The following PKP2 variants were observed in gnomAD, a reference collection of about 807,000 sequenced individuals.
PKP2 encodes the protein plakophilin-2.
Under a neutral mutation model 83.4 loss-of-function variants are expected in PKP2, and 73 were observed. That is an observed-to-expected ratio of 0.88 (90% CI 0.72 to 1.06). The LOEUF is 1.06. Ranked by LOEUF, PKP2 falls within the 50% of genes least tolerant of loss-of-function variation. The pLI is 0.00. For missense variants in PKP2, 966 were observed against 1,065.4 expected, an observed-to-expected ratio of 0.91 and a Z score of 1.30; for synonymous variants, 409 against 430.4, an observed-to-expected ratio of 0.95 and a Z score of 0.62.
intron 1 of PKP2, among the ~76,000 whole-genome samples, chr12:32,881,404 C>A (rs992056625): frequency 7.9e-5 from 12 of 151,956 alleles, no homozygotes; most frequent in Admixed American, 7.9e-4. Flanking sequence ...GGAACTTGGA[C>A]CTTAAATAAA....
chr12:32,802,932 T>C (rs1359483955), intron 9 of PKP2, among the ~76,000 whole-genome samples: 1 of 152,026 alleles, frequency 6.6e-6, no homozygotes, highest in African/African-American at 2.4e-5. Flanking sequence ...GTGTTGGGAT[T>C]ACAGGCGTGA....
intron 4 of PKP2, among the ~76,000 whole-genome samples, chr12:32,861,713 A>G (rs1448847070): frequency 6.6e-6 from 1 of 152,228 alleles, no homozygotes; most frequent in Non-Finnish European, 1.5e-5. Flanking sequence ...CAAAAAACTA[A>G]GAGAAACTAC....
chr12:32,818,833 C>T (rs1956344772), intron 9 of PKP2, among the ~76,000 whole-genome samples: 1 of 152,122 alleles, frequency 6.6e-6, no homozygotes, highest in Non-Finnish European at 1.5e-5. Flanking sequence ...ATGTGTATGA[C>T]CTAATTTTCA....
chr12:32,838,619 T>C (rs966713085), intron 6 of PKP2, among the ~76,000 whole-genome samples: 12 of 152,242 alleles, frequency 7.9e-5, no homozygotes, highest in African/African-American at 2.9e-4. Context: ...TTCACCAATT[T>C]CACCATCAAT....
Position 32,796,204 on chromosome 12 carries a change from T to C in PKP2, c.2262A>G (p.Thr754=), listed in dbSNP as rs2137708394. The C allele has an allele frequency of 7.4e-6, 12 of 1,613,810 alleles. No individual in the cohort carries two copies. Among genetic ancestry groups the C allele is most frequent in the Non-Finnish European group, 9.3e-6 (11 of 1,179,964 alleles). Residue 754 remains threonine (T), a synonymous_variant, in exon 11 of 13, where the codon ACA becomes ACG. Coordinates refer to ENST00000340811, the MANE Select transcript of PKP2 (RefSeq NM_001005242.3). ...AACTGTTTTGGATTATGTTGTTCAA[T>C]GTGTAACAGGCAGAGGCTGTAGTTT... ...LIETTASACY[T]LNNIIQNSYQ... is the part of the protein sequence containing the mutation.
In PKP2 at chr12:32,877,976, T is replaced by G; in HGVS notation, c.904A>C (p.Arg302=). Residue 302 remains arginine, a synonymous_variant, in exon 3 of 13, where the codon AGG becomes CGG. Coordinates refer to ENST00000340811, the MANE Select transcript of PKP2 (RefSeq NM_001005242.3). ...QSSFHSTRTL[R]EAGPSVAVDS... The stretch of plus-strand genomic sequence containing the variant: ...ACGGCGACACTGGGCCCAGCTTCCC[T>G]CAGCGTGCGGGTGCTGTGGAAGGAG... The G allele has an allele frequency of 6.2e-7, 1 of 1,614,104 alleles. No individual in the cohort carries two copies.
At chr12:32,855,275 A>G (rs73303644) in intron 4 of PKP2, among the ~76,000 whole-genome samples, 10,360 of 152,160 alleles carry the variant, frequency 0.068, 1,238 homozygotes, top group African/African-American at 0.24. Flanking sequence ...CCACATGTTG[A>G]GGTATCCACG....
intron 6 of PKP2, among the ~76,000 whole-genome samples, chr12:32,827,399 G>T (rs981335876): frequency 6.6e-6 from 1 of 152,176 alleles, no homozygotes; most frequent in East Asian, 1.9e-4. Flanking sequence ...AATGATAAGG[G>T]TAGATTATTT....
intron 5 of PKP2, among the ~76,000 whole-genome samples, chr12:32,844,402 G>A (rs184523369): frequency 9.3e-4 from 142 of 152,126 alleles, no homozygotes; most frequent in African/African-American, 3.3e-3. Context: ...ACTAAAAAGC[G>A]AAACACCAGT....
At chr12:32,839,438 A>G (rs1278428583) in intron 6 of PKP2, among the ~76,000 whole-genome samples, 1 of 148,128 alleles carries the variant, frequency 6.8e-6, no homozygotes, top group Non-Finnish European at 1.5e-5. Context: ...TGCTCAGTAG[A>G]GAAGGCTTCT....
At chr12:32,852,712 C>T (rs1956711074) in intron 4 of PKP2, among the ~76,000 whole-genome samples, 1 of 152,114 alleles carries the variant, frequency 6.6e-6, no homozygotes, top group Admixed American at 6.5e-5. Context: ...GAGACATTTG[C>T]AGAACAAGAG....
intron 6 of PKP2, among the ~76,000 whole-genome samples, chr12:32,834,626 A>G (rs1956528772): frequency 6.6e-6 from 1 of 152,000 alleles, no homozygotes; most frequent in Admixed American, 6.6e-5. Flanking sequence ...TTAAGTGCCT[A>G]CCTGAACTCT....
Position 32,835,075 on chromosome 12 carries a change from G to GTA in PKP2, c.1556+5951_1556+5952dup, listed in dbSNP as rs1239586866. Among the ~76,000 whole-genome samples, 11 of 140,760 alleles carry GTA rather than the reference G, an allele frequency of 7.8e-5. No homozygotes were observed. The East Asian group carries it at 2.2e-3, about 28-fold the overall frequency. 92.3% of individuals were successfully genotyped at this position (140,760 alleles called of 152,430 possible). ...CTTTTTTTTTTTCTTTTTTTTTGAA[G>GTA]TAGAGTCTTGCTCTGTTGCCCGGAC... On this transcript the variant is annotated intron_variant, in intron 6 of 12. Transcript: ENST00000340811.
chr12:32,821,534 C>G lies in PKP2; in HGVS notation c.1840-5G>C, dbSNP rs752016948. 9 of 1,613,730 alleles carry G rather than the reference C, an allele frequency of 5.6e-6. No homozygotes were observed. Among genetic ancestry groups the G allele is most frequent in the Non-Finnish European group, 8.5e-7 (1 of 1,179,922 alleles). On this transcript the variant is annotated splice_region_variant and splice_polypyrimidine_tract_variant and intron_variant, in intron 8 of 12. Coordinates refer to ENST00000340811, the MANE Select transcript of PKP2 (RefSeq NM_001005242.3). ...CATCGGCACGTCCTGGTATTGCTGA[C>G]CACACACAAAAGGAATCCAGAATTA...
intron 6 of PKP2, 38 bp from the exon 7 acceptor site, chr12:32,824,200 G>C (rs1440133615): frequency 3.0e-6 from 4 of 1,344,504 alleles, no homozygotes; most frequent in Non-Finnish European, 4.3e-6. Context: ...GTAAGTCTAG[G>C]CTGTGTATCC....
chr12:32,896,773 C>T lies in PKP2; in HGVS notation c.-42G>A, dbSNP rs1231881755. ...ACCGAGCTGCTCGCCTGCCTCTGGACTCGCGGGCGAAGCCGCCACGGAGCT... is the reference window on the plus strand; with the variant it reads ...ACCGAGCTGCTCGCCTGCCTCTGGATTCGCGGGCGAAGCCGCCACGGAGCT... On this transcript the variant is annotated 5_prime_UTR_variant, in exon 1 of 13. Coordinates refer to ENST00000340811, the MANE Select transcript of PKP2 (RefSeq NM_001005242.3). The T allele has an allele frequency of 2.5e-5, 28 of 1,121,854 alleles. No homozygotes were observed. Among genetic ancestry groups the T allele is most frequent in the Non-Finnish European group, 3.2e-5 (27 of 842,040 alleles). 69.5% of individuals were successfully genotyped at this position (1,121,854 alleles called of 1,614,324 possible).
chr12:32,794,964 A>G (rs1956107495), intron 11 of PKP2, among the ~76,000 whole-genome samples: 1 of 152,232 alleles, frequency 6.6e-6, no homozygotes, highest in Non-Finnish European at 1.5e-5. Context: ...ACATTTCTTC[A>G]GTACAGGTGA....
chr12:32,845,525 C>T (rs1956636904), intron 5 of PKP2, among the ~76,000 whole-genome samples: 1 of 152,056 alleles, frequency 6.6e-6, no homozygotes, highest in African/African-American at 2.4e-5. Context: ...GTACTCCAGC[C>T]TCGGCAACAG....
intron 9 of PKP2, among the ~76,000 whole-genome samples, chr12:32,802,834 A>T (rs1222542620): frequency 2.6e-5 from 4 of 151,232 alleles, no homozygotes; most frequent in African/African-American, 9.7e-5. Flanking sequence ...AATTTTTTGG[A>T]ATTTTAGTAG....
Sources: gnomAD v4.1 joint callset for allele counts (sites outside exome capture counted in the v4.1 genomes callset) on GRCh38, gnomAD v4.1.1 for gene constraint, MANE v1.5 for transcripts, NCBI Gene and HGNC (gene_info 2026-07-23, HGNC 2026-07-21) for gene names.